Variants in AKR1E2 observed in about 807,000 individuals in gnomAD.
AKR1E2 encodes the protein aldo-keto reductase family 1 member E2.
A neutral mutation model predicts 41.9 loss-of-function variants in AKR1E2; 43 were observed. The observed-to-expected ratio is 1.03, with a 90% CI of 0.80 to 1.32. AKR1E2 has a LOEUF of 1.32. Ranked by LOEUF, AKR1E2 falls within the 40% of genes most tolerant of loss-of-function variation. AKR1E2 has a pLI of 0.00. For synonymous variants in AKR1E2, 121 were observed against 138.9 expected, an observed-to-expected ratio of 0.87 and a Z score of 0.91; for missense variants, 423 against 396.5, an observed-to-expected ratio of 1.07 and a Z score of -0.57.
chr10:4,831,418 G>C (rs1197058905), intron 2 of AKR1E2, among the ~76,000 whole-genome samples: 2 of 152,138 alleles, frequency 1.3e-5, no homozygotes, highest in Non-Finnish European at 2.9e-5. Flanking sequence ...TCACATAGCT[G>C]GGGAGGCCTC....
intron 1 of AKR1E2, among the ~76,000 whole-genome samples, chr10:4,827,699 C>G (rs1470722318): frequency 1.3e-5 from 2 of 152,168 alleles, no homozygotes; most frequent in Non-Finnish European, 2.9e-5. Context: ...AAGGCCTGCT[C>G]ATGAAAATAT....
chr10:4,841,758 T>A (rs779503029), intron 6 of AKR1E2, 27 bp from the exon 7 acceptor site: 13 of 1,485,528 alleles, frequency 8.8e-6, no homozygotes, highest in Non-Finnish European at 9.9e-6. Flanking sequence ...ATCTCCTGGC[T>A]CACTCCCCTG....
chr10:4,830,910 T>C, intron 2 of AKR1E2, 68 bp downstream of exon 2: 2 of 1,576,250 alleles, frequency 1.3e-6, no homozygotes, highest in Non-Finnish European at 1.7e-6. Flanking sequence ...CTTTCTACTT[T>C]CTTTATGGGA....
At chr10:4,841,503 G>A (rs1445842047) in intron 6 of AKR1E2, among the ~76,000 whole-genome samples, 1 of 152,084 alleles carries the variant, frequency 6.6e-6, no homozygotes, top group Non-Finnish European at 1.5e-5. Flanking sequence ...AGAGCCCACT[G>A]GCTGCATGCG....
At chr10:4,844,857 G>A in intron 8 of AKR1E2, among the ~76,000 whole-genome samples, 1 of 152,262 alleles carries the variant, frequency 6.6e-6, no homozygotes, top group East Asian at 1.9e-4. Context: ...GCTTCACCCA[G>A]TGGATCCCGC....
the AKR1E2 span, among the ~76,000 whole-genome samples, chr10:4,859,605 C>G: frequency 2.0e-5 from 3 of 152,174 alleles, no homozygotes; most frequent in Non-Finnish European, 4.4e-5. Context: ...CAATTCTGCC[C>G]GCACTTCTCA....
chr10:4,841,852 G>C lies in AKR1E2; in HGVS notation c.748G>C (p.Ala250Pro), dbSNP rs1376664625. 1.9e-6 allele frequency: 3 copies of C among 1,613,474 alleles called. No homozygotes were observed. Among genetic ancestry groups the C allele is most frequent in the Non-Finnish European group, 2.5e-6 (3 of 1,179,764 alleles). Reference protein sequence around the residue: ...RIAKEHGKSPAQILIRFQIQR... With the variant: ...RIAKEHGKSPPQILIRFQIQR... ...TGCAAAGGAGCACGGCAAGTCTCCTGCTCAGGTAGGGAGGGAGGGCTGTTC... is the reference window on the plus strand; with the variant it reads ...TGCAAAGGAGCACGGCAAGTCTCCTCCTCAGGTAGGGAGGGAGGGCTGTTC... The change falls in exon 7 of 10, where the codon GCT becomes CCT. Residue 250 changes from alanine (A) to proline (P), a missense_variant. Ala to Pro is a conservative substitution (Grantham distance 27, BLOSUM62 -1). Coordinates refer to ENST00000298375, the MANE Select transcript of AKR1E2 (RefSeq NM_001040177.3).
At chr10:4,859,059 G>A in the AKR1E2 span, among the ~76,000 whole-genome samples, 4 of 151,910 alleles carry the variant, frequency 2.6e-5, no homozygotes, top group African/African-American at 9.7e-5. Flanking sequence ...CCTGACTTCA[G>A]GTGACATCCG....
chr10:4,845,837 G>A (rs764827485), intron 8 of AKR1E2: 42 of 470,832 alleles, frequency 8.9e-5, no homozygotes, highest in Non-Finnish European at 1.5e-4. Context: ...CCAGGCTGAC[G>A]TGAGACCTGA....
intron 8 of AKR1E2, chr10:4,845,723 T>C: frequency 4.2e-6 from 2 of 470,902 alleles, no homozygotes. Flanking sequence ...CTAGCAAAAG[T>C]GAATGTGACA....
the AKR1E2 span, among the ~76,000 whole-genome samples, chr10:4,854,392 T>A: frequency 6.6e-6 from 1 of 152,072 alleles, no homozygotes; most frequent in Non-Finnish European, 1.5e-5. Context: ...GCACCTGGCC[T>A]ACTCCTTTAC....
chr10:4,845,085 G>A (rs1179483887), intron 8 of AKR1E2, among the ~76,000 whole-genome samples: 5 of 152,184 alleles, frequency 3.3e-5, no homozygotes, highest in African/African-American at 4.8e-5. Flanking sequence ...AAGGCCTGGC[G>A]AGAAATGGAG....
chr10:4,832,302 C>G (rs930478191), intron 2 of AKR1E2, among the ~76,000 whole-genome samples: 22 of 152,314 alleles, frequency 1.4e-4, no homozygotes, highest in African/African-American at 5.3e-4. Flanking sequence ...AATGTTGTTT[C>G]TATAGTTGAA....
chr10:4,839,423 G>A (rs1833694361), intron 5 of AKR1E2, among the ~76,000 whole-genome samples: 1 of 151,690 alleles, frequency 6.6e-6, no homozygotes, highest in Non-Finnish European at 1.5e-5. Flanking sequence ...AAGGCCGGGG[G>A]AGATGAGAGC....
At chr10:4,845,420 C>T (rs1015332508) in intron 8 of AKR1E2, among the ~76,000 whole-genome samples, 2 of 151,058 alleles carry the variant, frequency 1.3e-5, no homozygotes, top group African/African-American at 4.9e-5. Context: ...GGAGCCCAGG[C>T]AGAGGAGGCC....
At chr10:4,853,019 A>G (rs977865747), downstream of AKR1E2, among the ~76,000 whole-genome samples, 8 of 152,234 alleles carry the variant, frequency 5.3e-5, no homozygotes, top group African/African-American at 1.9e-4. Context: ...GGAAATGATC[A>G]GAGTGGGATA....
At chr10:4,825,335 G>A (rs1277718159), upstream of AKR1E2, among the ~76,000 whole-genome samples, 1 of 152,216 alleles carries the variant, frequency 6.6e-6, no homozygotes, top group South Asian at 2.1e-4. Context: ...CCAGGGCTGA[G>A]GGGGGCAATG....
At chr10:4,852,470 A>G (rs1834545899), downstream of AKR1E2, among the ~76,000 whole-genome samples, 1 of 152,236 alleles carries the variant, frequency 6.6e-6, no homozygotes, top group African/African-American at 2.4e-5. Context: ...TTGTAAAATA[A>G]TAAGACAGAA....
chr10:4,842,599 C>A, intron 8 of AKR1E2, 95 bp downstream of exon 8: 2 of 1,101,678 alleles, frequency 1.8e-6, no homozygotes, highest in South Asian at 1.4e-5. Context: ...GGTTGCGGAG[C>A]TTGATGCAAC....
Sources: gnomAD v4.1 joint callset for allele counts (sites outside exome capture counted in the v4.1 genomes callset) on GRCh38, gnomAD v4.1.1 for gene constraint, MANE v1.5 for transcripts, NCBI Gene and HGNC (gene_info 2026-07-23, HGNC 2026-07-21) for gene names.